The following CENPP variants were observed in gnomAD, a reference collection of about 807,000 sequenced individuals.
CENPP encodes centromere protein P.
A neutral mutation model predicts 35.6 loss-of-function variants in CENPP; 24 were observed. The observed-to-expected ratio is 0.67, with a 90% confidence interval of 0.49 to 0.95. The LOEUF (loss-of-function observed/expected upper bound fraction) is 0.95, where lower values mean the gene tolerates loss of function less well. Among genes scored for constraint, CENPP ranks in the 40% least tolerant of loss-of-function variants. The pLI is 0.00. For missense variants in CENPP, 332 were observed against 345.3 expected, an observed-to-expected ratio of 0.96 and a Z score of 0.31; for synonymous variants, 120 against 125.5, an observed-to-expected ratio of 0.96 and a Z score of 0.29.
intron 4 of CENPP, among the ~76,000 whole-genome samples, chr9:92,357,864 T>C (rs77160642): frequency 1.3e-5 from 2 of 149,240 alleles, no homozygotes; most frequent in Non-Finnish European, 1.5e-5. Context: ...TTTTTTTTTT[T>C]CTTTTAGCAC....
chr9:92,326,854 G>C (rs190830257), intron 1 of CENPP, among the ~76,000 whole-genome samples: 1 of 152,190 alleles, frequency 6.6e-6, no homozygotes, highest in Non-Finnish European at 1.5e-5. Context: ...TGAGTCAAGA[G>C]TAATTTGACA....
chr9:92,415,946 A>G (rs1261752203), intron 5 of CENPP, among the ~76,000 whole-genome samples: 1 of 145,168 alleles, frequency 6.9e-6, no homozygotes, highest in Non-Finnish European at 1.5e-5. Flanking sequence ...GAGTAAACTC[A>G]GAATACGCTC....
At chr9:92,573,253 G>A (rs1850192468) in intron 5 of CENPP, among the ~76,000 whole-genome samples, 1 of 152,190 alleles carries the variant, frequency 6.6e-6, no homozygotes, top group Non-Finnish European at 1.5e-5. Context: ...GGTCTTTGAT[G>A]ATGGTGACGT....
intron 5 of CENPP, chr9:92,389,747 C>G (rs972586657): frequency 2.9e-6 from 2 of 699,848 alleles, no homozygotes; most frequent in African/African-American, 3.6e-5. Flanking sequence ...TTTATTAAAT[C>G]AAAATAGTTT....
At chr9:92,473,590 G>A (rs1845606117) in intron 5 of CENPP, among the ~76,000 whole-genome samples, 1 of 152,146 alleles carries the variant, frequency 6.6e-6, no homozygotes, top group South Asian at 2.1e-4. Context: ...CGTTCTACAT[G>A]AACAAGTTTT....
At chr9:92,385,638 C>T (rs201234878) in intron 5 of CENPP, 36 of 1,613,838 alleles carry the variant, frequency 2.2e-5, no homozygotes, top group East Asian at 8.9e-5. Flanking sequence ...ATGACCCTAT[C>T]GGTAATCTTT....
chr9:92,567,389 T>TAG (rs879684888), intron 5 of CENPP, among the ~76,000 whole-genome samples: 5,817 of 98,012 alleles, frequency 0.059, 218 homozygotes, highest in South Asian at 0.11. Flanking sequence ...TATATATATA[T>TAG]ATATATAGAT....
At chr9:92,382,081 T>A (rs1448246086) in intron 5 of CENPP, among the ~76,000 whole-genome samples, 1 of 152,078 alleles carries the variant, frequency 6.6e-6, no homozygotes, top group African/African-American at 2.4e-5. Flanking sequence ...ATTGGGTTGT[T>A]TTTTGTTGTT....
At chr9:92,571,942 T>C (rs1375804917) in intron 5 of CENPP, among the ~76,000 whole-genome samples, 1 of 149,936 alleles carries the variant, frequency 6.7e-6, no homozygotes, top group Non-Finnish European at 1.5e-5. Context: ...ATTTGCTTGG[T>C]AGATCCTTCT....
intron 5 of CENPP, among the ~76,000 whole-genome samples, chr9:92,431,379 C>A (rs1198401192): frequency 6.6e-6 from 1 of 152,140 alleles, no homozygotes; most frequent in Non-Finnish European, 1.5e-5. Flanking sequence ...TTGTTTAGAT[C>A]TCATTAATAC....
At chr9:92,422,382 T>A (rs1843833944) in intron 5 of CENPP, among the ~76,000 whole-genome samples, 1 of 152,172 alleles carries the variant, frequency 6.6e-6, no homozygotes, top group Admixed American at 6.6e-5. Flanking sequence ...TATCCCTTTG[T>A]TGAGAACATT....
At chr9:92,441,564 G>T (rs1844387613) in intron 5 of CENPP, among the ~76,000 whole-genome samples, 1 of 152,116 alleles carries the variant, frequency 6.6e-6, no homozygotes, top group South Asian at 2.1e-4. Flanking sequence ...TTCAAGACCA[G>T]CCTGAGCAAC....
At chr9:92,502,501 G>C (rs1208065456) in intron 5 of CENPP, 4 of 1,610,698 alleles carry the variant, frequency 2.5e-6, no homozygotes, top group South Asian at 1.1e-5. Flanking sequence ...TTAAATTGTA[G>C]CATGTACTTA....
At chr9:92,585,761 A>G (rs896203265) in intron 5 of CENPP, among the ~76,000 whole-genome samples, 13 of 152,324 alleles carry the variant, frequency 8.5e-5, no homozygotes, top group Admixed American at 6.5e-4. Flanking sequence ...GGTGAGGAGA[A>G]GGCCTATGAA....
intron 5 of CENPP, chr9:92,457,108 A>G: frequency 7.1e-7 from 1 of 1,405,448 alleles, no homozygotes. Context: ...ACCCTTATGT[A>G]TCAATAGTTT....
chr9:92,513,493 C>T (rs943415970), intron 5 of CENPP, among the ~76,000 whole-genome samples: 4 of 152,134 alleles, frequency 2.6e-5, no homozygotes, highest in African/African-American at 9.7e-5. Context: ...AACATCTGTA[C>T]GTGGATATTT....
intron 5 of CENPP, among the ~76,000 whole-genome samples, chr9:92,383,312 G>A (rs1036203870): frequency 6.6e-6 from 1 of 152,064 alleles, no homozygotes; most frequent in African/African-American, 2.4e-5. Flanking sequence ...GTCTCTTGAA[G>A]TTCCATTTTA....
intron 5 of CENPP, chr9:92,500,691 A>G (rs752381563): frequency 1.3e-6 from 2 of 1,576,078 alleles, no homozygotes; most frequent in East Asian, 2.2e-5. Flanking sequence ...TTGCCAACCA[A>G]AATTTAAACA....
chr9:92,570,030 G>A (rs1176872102), intron 5 of CENPP, among the ~76,000 whole-genome samples: 1 of 152,122 alleles, frequency 6.6e-6, no homozygotes, highest in Admixed American at 6.6e-5. Context: ...CTGCAAATGG[G>A]ACAATTTGAT....
Sources: allele counts gnomAD v4.1 joint callset (sites outside exome capture counted in the v4.1 genomes callset), GRCh38; gene constraint gnomAD v4.1.1; transcripts MANE v1.5; gene names NCBI Gene and HGNC (gene_info 2026-07-23, HGNC 2026-07-21).